The following PRIM1 variants were observed in gnomAD, a reference collection of about 807,000 sequenced individuals.
The protein encoded by PRIM1 is DNA primase subunit 1.
In PRIM1, 38 loss-of-function variants were observed where a neutral mutation model predicts 60.2. The observed-to-expected ratio is 0.63, with a 90% CI of 0.49 to 0.83. PRIM1 has a LOEUF of 0.83. Among genes scored for constraint, PRIM1 ranks in the 40% least tolerant of loss-of-function variants. The pLI is 0.00. For missense variants in PRIM1, 388 were observed against 506.2 expected (o/e 0.77, Z 2.24); for synonymous variants, 158 against 160.2 (o/e 0.99, Z 0.10).
chr12:56,736,340 TTATTCATCCATTTAATTATATAACCTATA>T (rs1309999930), intron 11 of PRIM1, among the ~76,000 whole-genome samples: 1 of 130,546 alleles, frequency 7.7e-6, no homozygotes, highest in East Asian at 2.2e-4. Context: ...ATATACAATT[TTATTCATCCATTTAATTATATAACCTATA>T]ATGATACCCA....
Position 56,741,423 on chromosome 12 carries a change from C to T in PRIM1, c.982+12G>A. ...TTTTCTTTTAGTTTTCCTTAGTTTC[C>T]TTGTGTAGTACCTGTTTTAGGATGA... is the stretch of plus-strand genomic sequence containing the variant. On this transcript the variant is annotated intron_variant, in intron 9 of 12. Transcript: ENST00000338193. 1 of 1,598,678 alleles carries T rather than the reference C, an allele frequency of 6.3e-7. No homozygotes were observed. Among genetic ancestry groups the T allele is most frequent in the South Asian group, 1.1e-5 (1 of 87,458 alleles).
chr12:56,738,949 A>C lies in PRIM1; in HGVS notation c.1052+345T>G, dbSNP rs938189110. 3.3e-5 allele frequency among the ~76,000 whole-genome samples: 5 copies of C among 152,350 alleles called. No individual in the cohort carries two copies. The South Asian group carries it at 1.0e-3, about 32-fold the overall frequency. On this transcript the variant is annotated intron_variant, in intron 10 of 12. Transcript: ENST00000338193. The stretch of plus-strand genomic sequence containing the variant: ...TTTACTGTAAAAAAATTATGCGGCC[A>C]GCTAAATTTGGGATATTCTAAACAC...
rs1383617627 is a variant in PRIM1 at position 56,738,638 on chromosome 12, G to A, written c.1053-113C>T. ...GCGATCTTGGCTCACTGCAACCTCCGCCTCCCAGGTTCAAGTGATTCTTCT... is the reference window on the plus strand; with the variant it reads ...GCGATCTTGGCTCACTGCAACCTCCACCTCCCAGGTTCAAGTGATTCTTCT... On this transcript the variant is annotated intron_variant, in intron 10 of 12. Coordinates refer to ENST00000338193, the MANE Select transcript of PRIM1 (RefSeq NM_000946.3). The A allele has an allele frequency of 8.6e-6, 9 of 1,050,520 alleles. No homozygotes were observed. The East Asian group carries it at 8.6e-5, about 10-fold the overall frequency. 65.1% of individuals were successfully genotyped at this position (1,050,520 alleles called of 1,614,324 possible). A position where few individuals can be genotyped will look rare whatever the true frequency, so the allele number is the denominator to read the frequency against.
At chr12:56,743,869 G>T (rs1374090209) in intron 6 of PRIM1, 196 bp downstream of exon 6, 2 of 449,138 alleles carry the variant, frequency 4.5e-6, no homozygotes, top group Middle Eastern at 5.8e-4. Flanking sequence ...CTCTTGTGGG[G>T]TTTTTTTGAA....
At chr12:56,736,336 A>G (rs554754510) in intron 11 of PRIM1, among the ~76,000 whole-genome samples, 101 of 149,080 alleles carry the variant, frequency 6.8e-4, no homozygotes, top group African/African-American at 2.4e-3. Flanking sequence ...AAGAATATAC[A>G]ATTTTATTCA....
Position 56,741,781 on chromosome 12 carries a change from A to G in PRIM1, c.805T>C (p.Trp269Arg). ...CTGGCTACTTTCTTCAAGTGCTCCC[A>G]ACGCTGAAGTGAATTGTGAGACTTT... ...FQKSHNSLQR[W>R]EHLKKVASRY... Residue 269 changes from tryptophan to arginine, a missense_variant, in exon 8 of 13, where the codon TGG (tryptophan) becomes CGG (arginine). By Grantham distance (101) the Trp-to-Arg change is moderately radical (BLOSUM62 -3). Transcript: ENST00000338193. 6.2e-7 allele frequency: 1 copy of G among 1,614,014 alleles called. No homozygotes were observed. Among genetic ancestry groups the G allele is most frequent in the East Asian group, 2.2e-5 (1 of 44,874 alleles).
At chr12:56,733,846 C>A (rs1162477879) in intron 12 of PRIM1, among the ~76,000 whole-genome samples, 2 of 151,486 alleles carry the variant, frequency 1.3e-5, no homozygotes, top group South Asian at 2.1e-4. Context: ...CTGCCTTGGT[C>A]TCCCAAAGTG....
rs1339572519 is a variant in PRIM1 at position 56,738,416 on chromosome 12, T to C, written c.1144+18A>G. The C allele has an allele frequency of 7.0e-6, 11 of 1,561,884 alleles. No homozygotes were observed. Among genetic ancestry groups the C allele is most frequent in the African/African-American group, 1.4e-5 (1 of 73,750 alleles). ...AAAAACCCTGTATTTAAAGTGAAGCTTCAAAATATTACCTTACCTCTGGTT... is the reference window on the plus strand; with the variant it reads ...AAAAACCCTGTATTTAAAGTGAAGCCTCAAAATATTACCTTACCTCTGGTT... On this transcript the variant is annotated intron_variant, in intron 11 of 12. Coordinates refer to ENST00000338193, the MANE Select transcript of PRIM1 (RefSeq NM_000946.3).
chr12:56,748,476 A>G (rs1953923644), intron 2 of PRIM1, among the ~76,000 whole-genome samples: 1 of 151,732 alleles, frequency 6.6e-6, no homozygotes, highest in African/African-American at 2.4e-5. Context: ...AAATACAAAA[A>G]ATTAGCCAGG....
At chr12:56,751,418 G>A (rs1042785131) in intron 1 of PRIM1, 1 of 334,830 alleles carries the variant, frequency 3.0e-6, no homozygotes, top group Non-Finnish European at 5.5e-6. Flanking sequence ...GCTGTAGCTG[G>A]GACTACAGGC....
chr12:56,738,211 A>G (rs939018394), intron 11 of PRIM1, among the ~76,000 whole-genome samples: 2 of 152,252 alleles, frequency 1.3e-5, no homozygotes, highest in Non-Finnish European at 2.9e-5. Context: ...CTTACAGTAT[A>G]GATCCTAGCA....
At chr12:56,748,537 G>A (rs1177920306) in intron 2 of PRIM1, among the ~76,000 whole-genome samples, 1 of 151,310 alleles carries the variant, frequency 6.6e-6, no homozygotes, top group Non-Finnish European at 1.5e-5. Context: ...TGAGGCAGGA[G>A]AATCGCTTGA....
chr12:56,739,463 A>T, intron 9 of PRIM1, 100 bp from the exon 10 acceptor site: 2 of 695,594 alleles, frequency 2.9e-6, no homozygotes, highest in Non-Finnish European at 4.5e-6. Flanking sequence ...TTTAAGGCTT[A>T]GACAAAGGGT....
chr12:56,736,159 G>C (rs1367874395), intron 11 of PRIM1, among the ~76,000 whole-genome samples: 5 of 150,446 alleles, frequency 3.3e-5, no homozygotes, highest in Non-Finnish European at 5.9e-5. Context: ...TTAGCTGGAC[G>C]TCGTGGCGGG....
At chr12:56,752,119 CAT>C (rs2137872365) in intron 1 of PRIM1, 75 bp downstream of exon 1, 2 of 1,077,472 alleles carry the variant, frequency 1.9e-6, no homozygotes, top group East Asian at 2.7e-5. Flanking sequence ...GAAGGCGCTT[CAT>C]ATTGTCATTC....
Position 56,751,184 on chromosome 12 carries a change from A to G in PRIM1, c.115T>C (p.Tyr39His). 2 of 1,545,598 alleles carry G rather than the reference A, an allele frequency of 1.3e-6. No individual in the cohort carries two copies. Among genetic ancestry groups the G allele is most frequent in the Non-Finnish European group, 1.7e-6 (2 of 1,142,870 alleles). The change falls in exon 2 of 13, where the codon TAC (tyrosine) becomes CAC (histidine). Residue 39 changes from tyrosine (Y) to histidine (H), a missense_variant. By Grantham distance (83) the Tyr-to-His change is moderately conservative. This residue lies in a region of PRIM1 where 156 missense variants were observed against 175.8 expected (regional missense o/e 0.89). Coordinates refer to ENST00000338193, the MANE Select transcript of PRIM1 (RefSeq NM_000946.3). Reference protein sequence around the residue: ...WLNYGGVIKNYFQHREFSFTL... With the variant: ...WLNYGGVIKNHFQHREFSFTL... ...AATGAAAATTCACGGTGTTGAAAGT[A>G]ATTCTTTATCACTGCAAAATAAATG...
At chr12:56,751,464 T>C (rs1237462974) in intron 1 of PRIM1, 1 of 201,722 alleles carries the variant, frequency 5.0e-6, no homozygotes, top group Non-Finnish European at 1.0e-5. Context: ...TTTTGTATTT[T>C]TTGTAGAAAC....
intron 11 of PRIM1, among the ~76,000 whole-genome samples, chr12:56,735,808 G>T (rs1488901571): frequency 6.6e-6 from 1 of 151,034 alleles, no homozygotes; most frequent in African/African-American, 2.4e-5. Flanking sequence ...CCGCCACGAC[G>T]CCCAGATAAT....
chr12:56,751,408 G>T, intron 1 of PRIM1: 1 of 353,068 alleles, frequency 2.8e-6, no homozygotes, highest in Admixed American at 4.8e-5. Context: ...GCCTCCCGAG[G>T]CTGTAGCTGG....
Sources: allele counts gnomAD v4.1 joint callset (sites outside exome capture counted in the v4.1 genomes callset), GRCh38; gene constraint gnomAD v4.1.1; regional missense constraint gnomAD v4.1.1; transcripts MANE v1.5; gene names NCBI Gene and HGNC (gene_info 2026-07-23, HGNC 2026-07-21).